UTRN: variants seen among roughly 807,000 people sequenced by gnomAD.
UTRN encodes dystrophin-related protein 1.
Under a neutral mutation model 463.9 loss-of-function variants are expected in UTRN, and 283 were observed. The observed-to-expected ratio is 0.61, with a 90% confidence interval of 0.55 to 0.67. The LOEUF (loss-of-function observed/expected upper bound fraction) is 0.67. Among genes scored for constraint, UTRN ranks in the 30% least tolerant of loss-of-function variants. The pLI is 0.00. For missense variants in UTRN, 3,922 were observed against 4,084.3 expected (o/e 0.96, Z 1.08); for synonymous variants, 1,442 against 1,431.5 (o/e 1.01, Z -0.17).
chr6:144,534,660 T>A (rs143702328), intron 43 of UTRN, among the ~76,000 whole-genome samples: 3 of 152,322 alleles, frequency 2.0e-5, no homozygotes, highest in African/African-American at 4.8e-5. Flanking sequence ...AATGACTTGA[T>A]CGATATTTAT....
At chr6:144,384,217 G>C (rs140120477) in intron 2 of UTRN, among the ~76,000 whole-genome samples, 1 of 152,130 alleles carries the variant, frequency 6.6e-6, no homozygotes, top group Non-Finnish European at 1.5e-5. Flanking sequence ...CCCAAGCCCT[G>C]GGCCACAGGT....
chr6:144,439,150 G>A (rs1226282200), intron 12 of UTRN, among the ~76,000 whole-genome samples: 1 of 152,168 alleles, frequency 6.6e-6, no homozygotes, highest in African/African-American at 2.4e-5. Flanking sequence ...AACTGGAGAA[G>A]GGTTCTTTTG....
chr6:144,730,512 A>AT lies in UTRN; in HGVS notation c.7939+27dup. 4.4e-6 allele frequency: 7 copies of AT among 1,576,792 alleles called. No homozygotes were observed. In the East Asian group the frequency reaches 7.0e-5, roughly 16 times the overall value. Reference sequence around the variant, plus strand: ...GTGAGACTGGTTTCTCCACTACATCATAAAAACACATGCTAGGAGAACAAA... The same window carrying AT: ...GTGAGACTGGTTTCTCCACTACATCATTAAAAACACATGCTAGGAGAACAAA... On this transcript the variant is annotated intron_variant, in intron 54 of 74. Transcript: ENST00000367545.
At chr6:144,811,287 A>G (rs1778587202) in intron 65 of UTRN, among the ~76,000 whole-genome samples, 1 of 152,174 alleles carries the variant, frequency 6.6e-6, no homozygotes, top group Admixed American at 6.5e-5. Flanking sequence ...ATGCTGATTC[A>G]TTCTTTGGAA....
At chr6:144,380,912 G>T (rs1780850910) in intron 2 of UTRN, among the ~76,000 whole-genome samples, 1 of 151,970 alleles carries the variant, frequency 6.6e-6, no homozygotes, top group Non-Finnish European at 1.5e-5. Context: ...AAGACACCCT[G>T]CTTTATGCCT....
intron 2 of UTRN, among the ~76,000 whole-genome samples, chr6:144,293,894 A>ATG (rs57561876): frequency 0.018 from 2,680 of 148,610 alleles, 20 homozygotes; most frequent in African/African-American, 0.026. Context: ...GATGTGTGTG[A>ATG]TGTGTGTGTG....
chr6:144,713,877 G>A lies in UTRN; in HGVS notation c.7809+13634G>A, dbSNP rs185738346. On this transcript the variant is annotated intron_variant, in intron 53 of 74. Coordinates refer to ENST00000367545, the MANE Select transcript of UTRN (RefSeq NM_007124.3). ...GGAGGTTGCGGTGAGCCGAGATCGC[G>A]CCATTGCACTCCAGCCTGGGAAACA... Among the ~76,000 whole-genome samples, 17 of 142,662 alleles carry A rather than the reference G, an allele frequency of 1.2e-4. No homozygotes were observed. In the East Asian group the frequency reaches 3.4e-3, roughly 28 times the overall value. The allele number at this position is 142,662 out of a possible 152,430, so 93.6% of individuals were successfully genotyped here.
chr6:144,540,111 A>G (rs949812808), intron 45 of UTRN, among the ~76,000 whole-genome samples: 9 of 151,874 alleles, frequency 5.9e-5, no homozygotes, highest in Non-Finnish European at 1.0e-4. Context: ...TCACACATGT[A>G]TGTTTATTTT....
At chr6:144,676,931 G>A (rs1781668154) in intron 51 of UTRN, among the ~76,000 whole-genome samples, 1 of 152,154 alleles carries the variant, frequency 6.6e-6, no homozygotes, top group African/African-American at 2.4e-5. Context: ...AAACGGGAGA[G>A]TAAGAGTCTG....
chr6:144,637,262 G>A (rs1212706833), intron 51 of UTRN, among the ~76,000 whole-genome samples: 5 of 152,112 alleles, frequency 3.3e-5, no homozygotes, highest in Admixed American at 3.3e-4. Context: ...GAGCCACTGC[G>A]CCCAGCCAAG....
intron 2 of UTRN, among the ~76,000 whole-genome samples, chr6:144,310,971 G>A (rs1806216123): frequency 6.6e-6 from 1 of 152,232 alleles, no homozygotes; most frequent in African/African-American, 2.4e-5. Flanking sequence ...GCAGACTGAG[G>A]TCAGTGTAGT....
At chr6:144,574,660 A>C (rs1801263333) in intron 50 of UTRN, among the ~76,000 whole-genome samples, 1 of 152,170 alleles carries the variant, frequency 6.6e-6, no homozygotes, top group South Asian at 2.1e-4. Context: ...GGCTCACTGC[A>C]ACCTCTGCCT....
chr6:144,746,975 A>G (rs529391945), intron 54 of UTRN, among the ~76,000 whole-genome samples: 13 of 152,330 alleles, frequency 8.5e-5, no homozygotes, highest in Middle Eastern at 3.4e-3. Flanking sequence ...TGAAATTTAG[A>G]GAGACAAACA....
chr6:144,674,110 G>A (rs1781342209), intron 51 of UTRN, among the ~76,000 whole-genome samples: 1 of 152,056 alleles, frequency 6.6e-6, no homozygotes, highest in Non-Finnish European at 1.5e-5. Flanking sequence ...ATAACCTGAT[G>A]ACTGTATGCC....
chr6:144,470,492 C>T (rs1790461841), intron 23 of UTRN, among the ~76,000 whole-genome samples: 1 of 151,610 alleles, frequency 6.6e-6, no homozygotes, highest in South Asian at 2.1e-4. Context: ...AGACGCTCCC[C>T]ACATCCCAGA....
rs1188530160 is a variant in UTRN at position 144,771,151 on chromosome 6, C to T, written c.8496-756C>T. 5.9e-5 allele frequency among the ~76,000 whole-genome samples: 9 copies of T among 152,054 alleles called. No homozygotes were observed. The East Asian group carries it at 1.5e-3, about 26-fold the overall frequency. The stretch of plus-strand genomic sequence containing the variant: ...TGATCTGGCCACATCAAGCCAGGAC[C>T]GAAGGGTTCATGACAGTCACATTTT... On this transcript the variant is annotated intron_variant, in intron 58 of 74. Coordinates refer to ENST00000367545, the MANE Select transcript of UTRN (RefSeq NM_007124.3).
In UTRN at chr6:144,734,921, C is replaced by T. The variant is rs192433035; in HGVS notation, c.7939+4435C>T. ...CCTGGTCTCTTATTATTGTCCCTTTCGTTCCACTCCCTGTAGATGTAAGCT... is the reference window on the plus strand; with the variant it reads ...CCTGGTCTCTTATTATTGTCCCTTTTGTTCCACTCCCTGTAGATGTAAGCT... On this transcript the variant is annotated intron_variant, in intron 54 of 74. Coordinates refer to ENST00000367545, the MANE Select transcript of UTRN (RefSeq NM_007124.3). Among the ~76,000 whole-genome samples, 30 of 152,282 alleles carry T rather than the reference C, an allele frequency of 2.0e-4. 1 individual carries two copies. The highest frequency in any genetic ancestry group is 1.7e-3 in the Admixed American group (26 of 15,296).
At position 144,461,527 on chromosome 6, in the gene UTRN, A is replaced by T. The variant is rs545858289; in HGVS notation, c.2853+185A>T. On this transcript the variant is annotated intron_variant, in intron 22 of 74. Transcript: ENST00000367545. ...ATAAAAGAAAGTACAGTTATTAAAA[A>T]TTTTTTCATAGAAGAAAAGCATATT... is the stretch of plus-strand genomic sequence containing the variant. Among the ~76,000 whole-genome samples, 7 of 152,310 alleles carry T rather than the reference A, an allele frequency of 4.6e-5. No homozygotes were observed. In the East Asian group the frequency reaches 1.2e-3, roughly 25 times the overall value.
chr6:144,434,204 G>T (rs1035472718), intron 9 of UTRN, among the ~76,000 whole-genome samples: 1 of 152,224 alleles, frequency 6.6e-6, no homozygotes. Flanking sequence ...CCAGTCAGGC[G>T]TGGTGGCGCG....
Sources: gnomAD v4.1 joint callset for allele counts (sites outside exome capture counted in the v4.1 genomes callset) on GRCh38, gnomAD v4.1.1 for gene constraint, MANE v1.5 for transcripts, NCBI Gene and HGNC (gene_info 2026-07-23, HGNC 2026-07-21) for gene names.